The following RAVER1 variants were observed in gnomAD, a reference collection of about 807,000 sequenced individuals.
The protein encoded by RAVER1 is ribonucleoprotein, PTB binding 1.
Under a neutral mutation model 68.4 loss-of-function variants are expected in RAVER1, and 36 were observed. That is an observed-to-expected ratio of 0.53 (90% confidence interval 0.40 to 0.70). The LOEUF (loss-of-function observed/expected upper bound fraction) is 0.70. Among genes scored for constraint, RAVER1 ranks in the 30% least tolerant of loss-of-function variants. The pLI is 0.00. For missense variants in RAVER1, 933 were observed against 1,019.8 expected, an observed-to-expected ratio of 0.91 and a Z score of 1.16; for synonymous variants, 469 against 472.7, an observed-to-expected ratio of 0.99 and a Z score of 0.10.
Position 10,321,635 on chromosome 19 carries a change from G to A in RAVER1, c.1174-17C>T. ...GCCGGGCTTCTAGGGACAGAGCACAGACAGTTGCAGATGGGGGCAGGGTGG... is the reference window on the plus strand; with the variant it reads ...GCCGGGCTTCTAGGGACAGAGCACAAACAGTTGCAGATGGGGGCAGGGTGG... On this transcript the variant is annotated splice_polypyrimidine_tract_variant and intron_variant, in intron 6 of 12. Transcript: ENST00000617231. 1 of 1,409,712 alleles carries A rather than the reference G, an allele frequency of 7.1e-7. No individual in the cohort carries two copies. The highest frequency in any genetic ancestry group is 9.3e-7 in the Non-Finnish European group (1 of 1,076,348). 87.3% of individuals were successfully genotyped at this position (1,409,712 alleles called of 1,614,324 possible). A position where few individuals can be genotyped will look rare whatever the true frequency, so the allele number is the denominator to read the frequency against.
chr19:10,321,247 G>A lies in RAVER1; in HGVS notation c.1274C>T (p.Pro425Leu). Residue 425 changes from proline (P) to leucine (L), a missense_variant, in exon 8 of 13, where the codon CCC (proline) becomes CTC (leucine). Physicochemically the swap from Pro to Leu is moderately conservative, Grantham distance 98. Coordinates refer to ENST00000617231, the MANE Select transcript of RAVER1 (RefSeq NM_133452.3). Reference protein sequence around the residue: ...LGELPAGGGLPPELPPRRGKP... With the variant: ...LGELPAGGGLLPELPPRRGKP... ...CCCTCGCCGGGGCGGCAGCTCCGGG[G>A]GCAGGCCCCCTCCTAGGGAGGGAAG... The A allele has an allele frequency of 7.8e-7, 1 of 1,277,618 alleles. No homozygotes were observed. Among genetic ancestry groups the A allele is most frequent in the Non-Finnish European group, 9.9e-7 (1 of 1,009,394 alleles). The allele number at this position is 1,277,618 out of a possible 1,614,324, so 79.1% of individuals were successfully genotyped here.
chr19:10,323,624 G>C lies in RAVER1; in HGVS notation c.757-58C>G. 6.6e-7 allele frequency: 1 copy of C among 1,517,400 alleles called. No homozygotes were observed. Among genetic ancestry groups the C allele is most frequent in the Non-Finnish European group, 8.8e-7 (1 of 1,133,336 alleles). The allele number at this position is 1,517,400 out of a possible 1,614,324, so 94.0% of individuals were successfully genotyped here. A position where few individuals can be genotyped will look rare whatever the true frequency, so the allele number is the denominator to read the frequency against. On this transcript the variant is annotated intron_variant, in intron 3 of 12. Transcript: ENST00000617231. This position sits in a 1 kb window ranked among gnomAD's most constrained non-coding sequence, Gnocchi z 6.2. ...TGGGCAGCAGTGACTGCACCACCCC[G>C]GGAAGTGACAACCGTAACCAGACTC...
In RAVER1 at chr19:10,317,705, G is replaced by A. The variant is rs1233361698; in HGVS notation, c.2058C>T (p.His686=). Residue 686 remains histidine, a synonymous_variant, in exon 12 of 13, where the codon CAC becomes CAT. Coordinates refer to ENST00000617231, the MANE Select transcript of RAVER1 (RefSeq NM_133452.3). The surrounding 1 kb of genome is among the most constrained non-coding windows in gnomAD (Gnocchi z 4.3). The stretch of plus-strand genomic sequence containing the variant: ...CTGCCCGTACCTTCAGCAGGTGGCT[G>A]TGACCATTAGGCCCGGGGCTGAGGC... The part of the protein sequence containing the change: ...LLGLSPGPNG[H]SHLLKTPLGG... 1.3e-6 allele frequency: 2 copies of A among 1,591,030 alleles called. No homozygotes were observed. The highest frequency in any genetic ancestry group is 1.7e-6 in the Non-Finnish European group (2 of 1,169,244).
chr19:10,318,209 T>C lies in RAVER1; in HGVS notation c.1989+20A>G. The C allele has an allele frequency of 1.9e-6, 3 of 1,590,122 alleles. No individual in the cohort carries two copies. The highest frequency in any genetic ancestry group is 1.8e-5 in the Admixed American group (1 of 55,344). On this transcript the variant is annotated intron_variant, in intron 11 of 12. Transcript: ENST00000617231. ...CTAGCTGTCCCAGGGGGCCTGTGCT[T>C]GGCCAGAGAGGTTCCTCACCTTACT...
chr19:10,319,368 T>G, intron 9 of RAVER1, 128 bp from the exon 10 acceptor site: 1 of 900,342 alleles, frequency 1.1e-6, no homozygotes, highest in Middle Eastern at 3.4e-4. Flanking sequence ...AGAGGCAAAT[T>G]TGGGGCTGGA....
At position 10,333,387 on chromosome 19, in the gene RAVER1, G is replaced by C; in HGVS notation, c.121C>G (p.Pro41Ala). 3.1e-6 allele frequency: 5 copies of C among 1,613,868 alleles called. No homozygotes were observed. Among genetic ancestry groups the C allele is most frequent in the Non-Finnish European group, 4.2e-6 (5 of 1,179,806 alleles). Residue 41 changes from proline to alanine, a missense_variant, in exon 1 of 13, where the codon CCA becomes GCA. Transcript: ENST00000617231. The surrounding 1 kb of genome is among the most constrained non-coding windows in gnomAD (Gnocchi z 4.2). The part of the protein sequence containing the change: ...APEEELPPLD[P>A]EEIRKRLEHT... Reference sequence around the variant, plus strand: ...TCCAGGCGTTTCCGGATCTCTTCTGGATCTAGAGGCGGCAGCTCTTCTTCC... The same window carrying C: ...TCCAGGCGTTTCCGGATCTCTTCTGCATCTAGAGGCGGCAGCTCTTCTTCC...
intron 6 of RAVER1, 44 bp from the exon 7 acceptor site, chr19:10,321,662 C>T: frequency 1.5e-6 from 2 of 1,362,528 alleles, no homozygotes; most frequent in Non-Finnish European, 1.9e-6. Flanking sequence ...GCAGGGTGGC[C>T]CAGGGAAGCA....
In RAVER1 at chr19:10,329,219, G is replaced by A. The variant is rs960571869; in HGVS notation, c.287-108C>T. 2 of 711,338 alleles carry A rather than the reference G, an allele frequency of 2.8e-6. No homozygotes were observed. The highest frequency in any genetic ancestry group is 1.8e-5 in the African/African-American group (1 of 55,752). 44.1% of individuals were successfully genotyped at this position (711,338 alleles called of 1,614,324 possible). A position where few individuals can be genotyped will look rare whatever the true frequency, so the allele number is the denominator to read the frequency against. ...GACCTCCAAATGCTGGGCATCTCAG[G>A]TGCCTGCTGATCTGAGCAGTTGCCA... On this transcript the variant is annotated intron_variant, in intron 2 of 12. Transcript: ENST00000617231. The surrounding 1 kb of genome is among the most constrained non-coding windows in gnomAD (Gnocchi z 4.6).
chr19:10,323,128 G>C lies in RAVER1; in HGVS notation c.1078+17C>G. On this transcript the variant is annotated intron_variant, in intron 5 of 12. Coordinates refer to ENST00000617231, the MANE Select transcript of RAVER1 (RefSeq NM_133452.3). The surrounding 1 kb of genome is among the most constrained non-coding windows in gnomAD (Gnocchi z 6.2). Reference sequence around the variant, plus strand: ...CCCTGTTCTGCACAGTGGGGCCCCTGTCCAGCCCCACCTTACCCTGCTTCC... The same window carrying C: ...CCCTGTTCTGCACAGTGGGGCCCCTCTCCAGCCCCACCTTACCCTGCTTCC... 7.7e-6 allele frequency: 12 copies of C among 1,562,644 alleles called. No homozygotes were observed. The highest frequency in any genetic ancestry group is 1.0e-5 in the Non-Finnish European group (12 of 1,154,400).
chr19:10,330,358 C>T, intron 2 of RAVER1, 102 bp downstream of exon 2: 2 of 629,718 alleles, frequency 3.2e-6, no homozygotes, highest in Non-Finnish European at 5.8e-6. Context: ...GCCTGGGGGG[C>T]AATACTGGGC....
At chr19:10,321,704 A>C in intron 6 of RAVER1, 86 bp from the exon 7 acceptor site, 1 of 1,127,518 alleles carries the variant, frequency 8.9e-7, no homozygotes, top group Non-Finnish European at 1.2e-6. Flanking sequence ...TGGCAGACAC[A>C]CCCCAACTCC....
rs758603661 is a variant in RAVER1, at chr19:10,333,388, A to C, written c.120T>G (p.Asp40Glu). Residue 40 changes from aspartate (D) to glutamate (E), a missense_variant, in exon 1 of 13, where the codon GAT (aspartate) becomes GAG (glutamate). By Grantham distance (45) the Asp-to-Glu change is conservative (BLOSUM62 2). This residue lies in a region of RAVER1 where 211 missense variants were observed against 230.0 expected (regional missense o/e 0.92). Transcript: ENST00000617231. This position sits in a 1 kb window ranked among gnomAD's most constrained non-coding sequence, Gnocchi z 4.2. ...RAPEEELPPL[D>E]PEEIRKRLEH... ...CCAGGCGTTTCCGGATCTCTTCTGG[A>C]TCTAGAGGCGGCAGCTCTTCTTCCG... 2.5e-6 allele frequency: 4 copies of C among 1,613,690 alleles called. No homozygotes were observed. Among genetic ancestry groups the C allele is most frequent in the Non-Finnish European group, 2.5e-6 (3 of 1,179,764 alleles).
Position 10,317,419 on chromosome 19 carries a change from G to A in RAVER1, c.*35C>T. The A allele has an allele frequency of 6.2e-7, 1 of 1,608,990 alleles. No homozygotes were observed. The highest frequency in any genetic ancestry group is 2.2e-5 in the East Asian group (1 of 44,858). Reference sequence around the variant, plus strand: ...CATCAGAAAACCCAAAAGCGATTTGGTGCAGGCCCTTGAGTTATCTCTGGT... The same window carrying A: ...CATCAGAAAACCCAAAAGCGATTTGATGCAGGCCCTTGAGTTATCTCTGGT... On this transcript the variant is annotated 3_prime_UTR_variant, in exon 13 of 13. Transcript: ENST00000617231. The surrounding 1 kb of genome is among the most constrained non-coding windows in gnomAD (Gnocchi z 4.3).
chr19:10,331,356 C>T (rs1473488699), intron 1 of RAVER1, among the ~76,000 whole-genome samples: 1 of 29,172 alleles, frequency 3.4e-5, no homozygotes, highest in Non-Finnish European at 5.5e-5. Flanking sequence ...GACTCCGTCT[C>T]AAAAAAAAAA....
intron 9 of RAVER1, 76 bp from the exon 10 acceptor site, chr19:10,319,316 C>G: frequency 1.4e-6 from 2 of 1,445,676 alleles, no homozygotes; most frequent in East Asian, 4.7e-5. Context: ...CATGGCAGAG[C>G]TGTCATCAGG....
At position 10,329,011 on chromosome 19, in the gene RAVER1, G is replaced by A. The variant is rs1255075348; in HGVS notation, c.387C>T (p.Pro129=). The A allele has an allele frequency of 8.9e-6, 14 of 1,576,716 alleles. No homozygotes were observed. The highest frequency in any genetic ancestry group is 1.1e-5 in the Non-Finnish European group (13 of 1,158,412). Residue 129 remains proline, a synonymous_variant, in exon 3 of 13, where the codon CCC becomes CCT. Transcript: ENST00000617231. The surrounding 1 kb of genome is among the most constrained non-coding windows in gnomAD (Gnocchi z 4.6). ...RERELSVQLQ[P]TDALLCVANL... ...TGGCCACACACAGCAGGGCATCCGT[G>A]GGCTGCAGCTGCACCGACAGTTCAC...
chr19:10,332,516 C>A (rs926104495), intron 1 of RAVER1, among the ~76,000 whole-genome samples: 1 of 152,206 alleles, frequency 6.6e-6, no homozygotes, highest in Admixed American at 6.5e-5. Flanking sequence ...CGTGCCCACC[C>A]GGTGTGCTGG....
At chr19:10,331,390 CAACAAA>C (rs2040516647) in intron 1 of RAVER1, among the ~76,000 whole-genome samples, 1 of 31,752 alleles carries the variant, frequency 3.1e-5, no homozygotes, top group Non-Finnish European at 5.9e-5. Flanking sequence ...AAAATAACAA[CAACAAA>C]AAAAAAAAAA....
chr19:10,322,726 G>T lies in RAVER1; in HGVS notation c.1092C>A (p.Ala364=). The T allele has an allele frequency of 1.3e-6, 2 of 1,510,508 alleles. No individual in the cohort carries two copies. Among genetic ancestry groups the T allele is most frequent in the Admixed American group, 2.7e-5 (1 of 36,642 alleles). The allele number at this position is 1,510,508 out of a possible 1,614,324, so 93.6% of individuals were successfully genotyped here. The change falls in exon 6 of 13, where the codon GCC becomes GCA. Residue 364 remains alanine (A), a synonymous_variant. Coordinates refer to ENST00000617231, the MANE Select transcript of RAVER1 (RefSeq NM_133452.3). The surrounding 1 kb of genome is among the most constrained non-coding windows in gnomAD (Gnocchi z 4.3). ...CATTGAGCAGCGGCATGGCTGGGGGGGCACCCAGGAGGCCTGGAGGGAGAC... is the reference window on the plus strand; with the variant it reads ...CATTGAGCAGCGGCATGGCTGGGGGTGCACCCAGGAGGCCTGGAGGGAGAC... ...SAGGKQGLLG[A]PPAMPLLNGP... is the part of the protein sequence containing the mutation.
Sources: gnomAD v4.1 joint callset for allele counts (sites outside exome capture counted in the v4.1 genomes callset) on GRCh38, gnomAD v4.1.1 for gene constraint, gnomAD v4.1.1 regional missense constraint, Gnocchi (gnomAD v3.1) non-coding constraint, MANE v1.5 for transcripts, NCBI Gene and HGNC (gene_info 2026-07-23, HGNC 2026-07-21) for gene names.